CDH13: variants seen among roughly 807,000 people sequenced by gnomAD.
CDH13 encodes the protein cadherin-13.
In CDH13, 24 loss-of-function variants were observed where a neutral mutation model predicts 63.8. The ratio of observed to expected loss-of-function variants is 0.38; its 90% CI spans 0.27 to 0.53. The LOEUF (loss-of-function observed/expected upper bound fraction) is 0.53, where lower values mean the gene tolerates loss of function less well. CDH13 is among the 20% of genes least tolerant of loss of function. The probability of loss-of-function intolerance (pLI) is 0.85; values close to 1 mark genes in which losing one functional copy is unlikely to be tolerated. For synonymous variants in CDH13, 503 were observed against 355.3 expected (o/e 1.42, Z -4.67); for missense variants, 1,049 against 903.1 (o/e 1.16, Z -2.07).
At chr16:83,562,894 G>A (rs976239939) in intron 7 of CDH13, among the ~76,000 whole-genome samples, 2 of 152,180 alleles carry the variant, frequency 1.3e-5, no homozygotes, top group African/African-American at 4.8e-5. Flanking sequence ...TGTAGATTTG[G>A]TTAAACTGTG....
intron 7 of CDH13, among the ~76,000 whole-genome samples, chr16:83,590,339 G>A (rs1156726923): frequency 1.3e-5 from 2 of 152,174 alleles, no homozygotes; most frequent in Non-Finnish European, 2.9e-5. Flanking sequence ...GGACAGACTC[G>A]AGAGGAAGGG....
At chr16:83,082,175 A>G (rs1401811207) in intron 3 of CDH13, among the ~76,000 whole-genome samples, 1 of 152,182 alleles carries the variant, frequency 6.6e-6, no homozygotes, top group Non-Finnish European at 1.5e-5. Context: ...AGTAATTTGG[A>G]GGAGGACACA....
intron 1 of CDH13, among the ~76,000 whole-genome samples, chr16:82,765,367 A>G (rs16958560): frequency 0.025 from 3,771 of 152,238 alleles, 150 homozygotes; most frequent in African/African-American, 0.086. Flanking sequence ...TCTTTAGCTC[A>G]ATTCAACAAG....
chr16:83,525,620 A>G (rs986246189), intron 7 of CDH13, among the ~76,000 whole-genome samples: 1 of 152,162 alleles, frequency 6.6e-6, no homozygotes, highest in Non-Finnish European at 1.5e-5. Context: ...AGGCAAGATA[A>G]TGGCCCTCCC....
intron 10 of CDH13, among the ~76,000 whole-genome samples, chr16:83,737,391 A>G (rs190707928): frequency 6.6e-6 from 1 of 152,360 alleles, no homozygotes; most frequent in Non-Finnish European, 1.5e-5. Flanking sequence ...ATTGATAGTG[A>G]TGAAGATATT....
intron 5 of CDH13, among the ~76,000 whole-genome samples, chr16:83,243,185 C>G (rs545478990): frequency 6.6e-6 from 1 of 152,212 alleles, no homozygotes; most frequent in East Asian, 1.9e-4. Context: ...GCTTCAGGAG[C>G]TTCTCTCATC....
chr16:82,811,621 C>T (rs770881306), intron 1 of CDH13, among the ~76,000 whole-genome samples: 18 of 151,936 alleles, frequency 1.2e-4, no homozygotes, highest in Non-Finnish European at 1.6e-4. Context: ...CTACAGTGTC[C>T]AGAAAATGAG....
At chr16:83,478,118 C>G (rs1437084581) in intron 6 of CDH13, among the ~76,000 whole-genome samples, 1 of 150,590 alleles carries the variant, frequency 6.6e-6, no homozygotes, top group Non-Finnish European at 1.5e-5. Context: ...CGAGATCACG[C>G]CACTGCACTC....
intron 6 of CDH13, among the ~76,000 whole-genome samples, chr16:83,357,626 A>C (rs9938067): frequency 0.24 from 37,034 of 152,100 alleles, 5,409 homozygotes; most frequent in African/African-American, 0.4. Context: ...AAGAGGGTAC[A>C]ACTGGCATCG....
chr16:83,122,154 A>G (rs1406536581), intron 3 of CDH13, among the ~76,000 whole-genome samples: 1 of 152,218 alleles, frequency 6.6e-6, no homozygotes, highest in Non-Finnish European at 1.5e-5. Context: ...GCATATTGGA[A>G]ATGATATTCT....
intron 6 of CDH13, among the ~76,000 whole-genome samples, chr16:83,366,275 C>T (rs958049840): frequency 1.3e-5 from 2 of 152,286 alleles, no homozygotes; most frequent in Admixed American, 1.3e-4. Context: ...TAAATTAAAA[C>T]AGCAACGGAA....
intron 7 of CDH13, among the ~76,000 whole-genome samples, chr16:83,587,861 T>C (rs1443205806): frequency 1.3e-5 from 2 of 152,048 alleles, no homozygotes; most frequent in African/African-American, 4.8e-5. Flanking sequence ...TTTTACACGG[T>C]GGCAAATATG....
At chr16:83,551,801 A>C (rs919537174) in intron 7 of CDH13, among the ~76,000 whole-genome samples, 2 of 152,138 alleles carry the variant, frequency 1.3e-5, no homozygotes, top group African/African-American at 4.8e-5. Flanking sequence ...CTGCTGGCCT[A>C]TGAAGGTGTC....
At chr16:83,464,162 C>T (rs911199872) in intron 6 of CDH13, among the ~76,000 whole-genome samples, 4 of 152,094 alleles carry the variant, frequency 2.6e-5, no homozygotes, top group Admixed American at 6.6e-5. Context: ...CAACCTCTAC[C>T]GTCCTGGTTC....
intron 1 of CDH13, among the ~76,000 whole-genome samples, chr16:82,723,930 C>A (rs1181079960): frequency 6.6e-6 from 1 of 152,088 alleles, no homozygotes; most frequent in Non-Finnish European, 1.5e-5. Context: ...CCACTCCTTG[C>A]AGGCAATAAC....
intron 5 of CDH13, among the ~76,000 whole-genome samples, chr16:83,303,612 C>CT (rs144178579): frequency 0.015 from 2,335 of 152,114 alleles, 60 homozygotes; most frequent in African/African-American, 0.05. Flanking sequence ...GCCATTTGTT[C>CT]CTTTTGCTGG....
At chr16:83,445,260 T>C (rs74032096) in intron 6 of CDH13, among the ~76,000 whole-genome samples, 2 of 79,954 alleles carry the variant, frequency 2.5e-5, no homozygotes, top group African/African-American at 7.2e-5. Context: ...GCTTTTATAA[T>C]TTATAAAAGC....
chr16:83,416,387 G>A (rs1350272536), intron 6 of CDH13, among the ~76,000 whole-genome samples: 1 of 152,212 alleles, frequency 6.6e-6, no homozygotes, highest in Non-Finnish European at 1.5e-5. Context: ...AGGAAACTCA[G>A]TGGAGCTTCT....
chr16:83,178,227 T>A (rs992624834), intron 4 of CDH13, among the ~76,000 whole-genome samples: 1 of 152,110 alleles, frequency 6.6e-6, no homozygotes, highest in Non-Finnish European at 1.5e-5. Context: ...GGCCGTCCTG[T>A]GCTTATAAAA....
Sources: gnomAD v4.1 joint callset for allele counts (sites outside exome capture counted in the v4.1 genomes callset) on GRCh38, gnomAD v4.1.1 for gene constraint, MANE v1.5 for transcripts, NCBI Gene and HGNC (gene_info 2026-07-23, HGNC 2026-07-21) for gene names.